Variants in MYT1L observed in about 807,000 individuals in gnomAD.
The protein encoded by MYT1L is myelin transcription factor 1 like, also known as myelin transcription factor 1-like protein.
In MYT1L, 12 loss-of-function variants were observed where a neutral mutation model predicts 126.7. The observed-to-expected ratio is 0.09, with a 90% CI of 0.06 to 0.15. The LOEUF is 0.15. Among genes scored for constraint, MYT1L ranks in the 10% least tolerant of loss-of-function variants. MYT1L has a pLI of 1.00. For synonymous variants in MYT1L, 541 were observed against 604.2 expected (o/e 0.90, Z 1.53); for missense variants, 979 against 1,585.2 (o/e 0.62, Z 6.49).
chr2:2,277,884 G>A (rs943663212), intron 2 of MYT1L, among the ~76,000 whole-genome samples: 7 of 152,050 alleles, frequency 4.6e-5, no homozygotes, highest in African/African-American at 1.7e-4. Context: ...AAAAACTATA[G>A]TATATTCCTA....
At chr2:1,869,936 T>C (rs1435492208) in intron 18 of MYT1L, among the ~76,000 whole-genome samples, 1 of 152,180 alleles carries the variant, frequency 6.6e-6, no homozygotes, top group Non-Finnish European at 1.5e-5. Context: ...AATAAGTGCT[T>C]TAAATTCAAA....
chr2:2,327,797 A>G (rs2096260116), intron 1 of MYT1L, among the ~76,000 whole-genome samples: 1 of 152,222 alleles, frequency 6.6e-6, no homozygotes, highest in Admixed American at 6.5e-5. Flanking sequence ...GCATCTGACT[A>G]GTCCCTCTAA....
rs146764715 is a variant in MYT1L at position 1,880,646 on chromosome 2, G to T, written c.2711+5893C>A. ...ACACAGTTGTTGTCAGTGGTAACAG[G>T]TATTGAATGTCAGGTGTGTGCTTGC... On this transcript the variant is annotated intron_variant, in intron 18 of 24. Coordinates refer to ENST00000647738, the MANE Select transcript of MYT1L (RefSeq NM_001303052.2). Among the ~76,000 whole-genome samples, 16 of 152,302 alleles carry T rather than the reference G, an allele frequency of 1.1e-4. No individual in the cohort carries two copies. In the East Asian group the frequency reaches 2.9e-3, roughly 28 times the overall value.
At chr2:1,847,957 C>T (rs1007985236) in intron 19 of MYT1L, among the ~76,000 whole-genome samples, 2 of 152,312 alleles carry the variant, frequency 1.3e-5, no homozygotes, top group African/African-American at 4.8e-5. Context: ...CACCTACTTC[C>T]TCCAGGGCCA....
chr2:1,840,717 A>G lies in MYT1L; in HGVS notation c.2858+43T>C, dbSNP rs1192054491. ...CTTTGCTTGAATGCCTCGTCCCCAC[A>G]TGGCAGCCCTGCTATGGTTCTCAGC... On this transcript the variant is annotated intron_variant, in intron 20 of 24. Transcript: ENST00000647738. The G allele has an allele frequency of 2.1e-6, 3 of 1,415,600 alleles. No individual in the cohort carries two copies. The South Asian group carries it at 3.8e-5, about 18-fold the overall frequency. 87.7% of individuals were successfully genotyped at this position (1,415,600 alleles called of 1,614,324 possible). A position where few individuals can be genotyped will look rare whatever the true frequency, so the allele number is the denominator to read the frequency against.
chr2:2,303,288 G>A (rs990617217), intron 1 of MYT1L, among the ~76,000 whole-genome samples: 17 of 152,154 alleles, frequency 1.1e-4, no homozygotes, highest in African/African-American at 1.9e-4. Flanking sequence ...TCGGCTTGGC[G>A]GGCCGAGCCC....
intron 2 of MYT1L, among the ~76,000 whole-genome samples, chr2:2,256,359 C>T (rs920526831): frequency 6.6e-6 from 1 of 152,250 alleles, no homozygotes; most frequent in Non-Finnish European, 1.5e-5. Context: ...AGTTGTCCAA[C>T]TGTGGCCACA....
intron 2 of MYT1L, among the ~76,000 whole-genome samples, chr2:2,274,189 T>C (rs762588722): frequency 6.6e-6 from 1 of 152,174 alleles, no homozygotes; most frequent in Non-Finnish European, 1.5e-5. Context: ...AGGTGATGGT[T>C]ATCCAATATC....
At position 2,217,706 on chromosome 2, in the gene MYT1L, C is replaced by CAACAAA. The variant is rs747364867; in HGVS notation, c.-420-44719_-420-44718insTTTGTT. On this transcript the variant is annotated intron_variant, in intron 2 of 24. Transcript: ENST00000647738. ...ACAACAACAACAACAACAACAACAA[C>CAACAAA]AAAAAAAAAAAAAGAAAGAAGGAAA... is the stretch of plus-strand genomic sequence containing the variant. Among the ~76,000 whole-genome samples, 25 of 91,164 alleles carry CAACAAA rather than the reference C, an allele frequency of 2.7e-4. No homozygotes were observed. The East Asian group carries it at 2.8e-3, about 10-fold the overall frequency. 59.8% of individuals were successfully genotyped at this position (91,164 alleles called of 152,430 possible). A position where few individuals can be genotyped will look rare whatever the true frequency, so the allele number is the denominator to read the frequency against.
intron 2 of MYT1L, among the ~76,000 whole-genome samples, chr2:2,242,498 A>T (rs1437669157): frequency 2.6e-5 from 4 of 152,202 alleles, no homozygotes; most frequent in African/African-American, 4.8e-5. Flanking sequence ...TGGTCTCATG[A>T]AGACAGTGCC....
At chr2:2,120,460 A>G (rs2080838076) in intron 3 of MYT1L, among the ~76,000 whole-genome samples, 1 of 151,996 alleles carries the variant, frequency 6.6e-6, no homozygotes, top group Admixed American at 6.6e-5. Flanking sequence ...TAAGCTTCCT[A>G]TTAAGGCCTT....
intron 4 of MYT1L, among the ~76,000 whole-genome samples, chr2:2,015,977 A>C (rs1295199785): frequency 6.6e-6 from 1 of 152,226 alleles, no homozygotes; most frequent in Non-Finnish European, 1.5e-5. Context: ...AAAGCTTCAC[A>C]AAAAGTTAAT....
chr2:2,087,941 C>T (rs1156938943), intron 3 of MYT1L, among the ~76,000 whole-genome samples: 1 of 152,244 alleles, frequency 6.6e-6, no homozygotes, highest in Non-Finnish European at 1.5e-5. Context: ...ACCATGCATC[C>T]ACTTTGTGAT....
chr2:1,805,168 G>A (rs1285722796), intron 22 of MYT1L, among the ~76,000 whole-genome samples: 3 of 152,204 alleles, frequency 2.0e-5, no homozygotes, highest in Non-Finnish European at 4.4e-5. Flanking sequence ...AGACATGAGA[G>A]CAGGCTCATC....
At chr2:1,843,042 T>C (rs1290926592) in intron 19 of MYT1L, 2 of 152,932 alleles carry the variant, frequency 1.3e-5, no homozygotes, top group Admixed American at 1.3e-4. Flanking sequence ...CTCCGCTTCC[T>C]CAGGGGGACC....
intron 18 of MYT1L, among the ~76,000 whole-genome samples, chr2:1,864,089 A>G (rs1035026372): frequency 2.6e-5 from 4 of 152,194 alleles, no homozygotes; most frequent in Non-Finnish European, 5.9e-5. Context: ...TCACAGCCTG[A>G]CATGGCCCAG....
In MYT1L at chr2:2,144,335, A is replaced by T. The variant is rs543748559; in HGVS notation, c.-304+28537T>A. 5.3e-5 allele frequency among the ~76,000 whole-genome samples: 8 copies of T among 152,286 alleles called. No individual in the cohort carries two copies. In the East Asian group the frequency reaches 1.5e-3, roughly 29 times the overall value. Reference sequence around the variant, plus strand: ...GGAGAAGCTGCTGATGGAGGTCACCAGTCAGCGGCCTCATCTCACGTTTCC... The same window carrying T: ...GGAGAAGCTGCTGATGGAGGTCACCTGTCAGCGGCCTCATCTCACGTTTCC... On this transcript the variant is annotated intron_variant, in intron 3 of 24. Coordinates refer to ENST00000647738, the MANE Select transcript of MYT1L (RefSeq NM_001303052.2).
intron 3 of MYT1L, among the ~76,000 whole-genome samples, chr2:2,170,197 G>A (rs942559266): frequency 6.6e-6 from 1 of 152,212 alleles, no homozygotes; most frequent in Non-Finnish European, 1.5e-5. Context: ...CACCCAGGGA[G>A]GAGTCAGGGA....
In MYT1L at chr2:1,858,295, T is replaced by A. The variant is rs2044164365; in HGVS notation, c.2712-6592A>T. Among the ~76,000 whole-genome samples the A allele has an allele frequency of 2.0e-5, 3 of 152,244 alleles. No homozygotes were observed. The South Asian group carries it at 6.2e-4, about 32-fold the overall frequency. Reference sequence around the variant, plus strand: ...GATACCCATTTTTAGTCTGCACTGCTGCAACTTTCTTTCCAAACAGAAAGA... The same window carrying A: ...GATACCCATTTTTAGTCTGCACTGCAGCAACTTTCTTTCCAAACAGAAAGA... On this transcript the variant is annotated intron_variant, in intron 18 of 24. Transcript: ENST00000647738.
Sources: allele counts gnomAD v4.1 joint callset (sites outside exome capture counted in the v4.1 genomes callset), GRCh38; gene constraint gnomAD v4.1.1; transcripts MANE v1.5; gene names NCBI Gene and HGNC (gene_info 2026-07-23, HGNC 2026-07-21).